The following CDH1 variants were observed in gnomAD, a reference collection of about 807,000 sequenced individuals.
CDH1 encodes cadherin 1.
CDH1 carries 35 observed loss-of-function variants against 84.5 expected under a neutral mutation model. The observed-to-expected ratio is 0.41, with a 90% CI of 0.32 to 0.55. The LOEUF is 0.55. Ranked by LOEUF, CDH1 falls within the 20% of genes least tolerant of loss-of-function variation. The pLI is 0.19. For synonymous variants in CDH1, 417 were observed against 439.0 expected (o/e 0.95, Z 0.63); for missense variants, 994 against 1,126.6 (o/e 0.88, Z 1.68).
In CDH1 at chr16:68,801,912, G is replaced by A. The variant is rs1306256416; in HGVS notation, c.387+19G>A. ...CCATCAGGTATGTTGGCATTTTTCT[G>A]AGAAGTTCGCTGTTGTTTTAGTGCG... On this transcript the variant is annotated intron_variant, in intron 3 of 15. Coordinates refer to ENST00000261769, the MANE Select transcript of CDH1 (RefSeq NM_004360.5). 2 of 1,597,178 alleles carry A rather than the reference G, an allele frequency of 1.3e-6. No homozygotes were observed. The highest frequency in any genetic ancestry group is 2.2e-5 in the South Asian group (2 of 90,728).
At chr16:68,787,261 G>T in intron 2 of CDH1, among the ~76,000 whole-genome samples, 1 of 152,188 alleles carries the variant, frequency 6.6e-6, no homozygotes, top group African/African-American at 2.4e-5. Flanking sequence ...TTTGGTGCTG[G>T]CTGGTTCTGG....
chr16:68,789,606 C>G (rs982047014), intron 2 of CDH1, among the ~76,000 whole-genome samples: 1 of 152,018 alleles, frequency 6.6e-6, no homozygotes, highest in Non-Finnish European at 1.5e-5. Context: ...AACAGTTTCC[C>G]TTATAGTCAC....
intron 2 of CDH1, among the ~76,000 whole-genome samples, chr16:68,791,480 T>G (rs1960207286): frequency 6.6e-6 from 1 of 152,176 alleles, no homozygotes; most frequent in Non-Finnish European, 1.5e-5. Context: ...TGGAGTGCAG[T>G]GGCACAGTTA....
chr16:68,811,502 G>A (rs1033642322), intron 6 of CDH1, among the ~76,000 whole-genome samples, 182 bp from the exon 7 acceptor site: 1 of 151,066 alleles, frequency 6.6e-6, no homozygotes, highest in African/African-American at 2.4e-5. Flanking sequence ...ATAATAAGTT[G>A]ATAGTTTGAG....
At chr16:68,778,475 T>A (rs1477066846) in intron 2 of CDH1, among the ~76,000 whole-genome samples, 1 of 152,170 alleles carries the variant, frequency 6.6e-6, no homozygotes, top group Non-Finnish European at 1.5e-5. Flanking sequence ...AGAGCTCCAG[T>A]CCTGAGCTTT....
At position 68,815,857 on chromosome 16, in the gene CDH1, T is replaced by C. The variant is rs1960975181; in HGVS notation, c.1565+98T>C. On this transcript the variant is annotated intron_variant, in intron 10 of 15. Transcript: ENST00000261769. ...TATGTACTTCATGGCATTTTGTCATTTGTCTGTACAAGACCATTCTCTTAA... is the reference window on the plus strand; with the variant it reads ...TATGTACTTCATGGCATTTTGTCATCTGTCTGTACAAGACCATTCTCTTAA... 6.4e-6 allele frequency: 9 copies of C among 1,402,864 alleles called. No homozygotes were observed. In the South Asian group the frequency reaches 8.3e-5, roughly 13 times the overall value. The allele number at this position is 1,402,864 out of a possible 1,614,324, so 86.9% of individuals were successfully genotyped here.
chr16:68,767,356 G>A (rs977318410), intron 2 of CDH1, among the ~76,000 whole-genome samples: 3 of 151,882 alleles, frequency 2.0e-5, no homozygotes, highest in African/African-American at 2.4e-5. Flanking sequence ...CACCATGCCC[G>A]GCTAATTTTT....
Position 68,815,656 on chromosome 16 carries a change from C to G in CDH1, c.1462C>G (p.Pro488Ala), listed in dbSNP as rs1555516144. Residue 488 changes from proline (P) to alanine (A), a missense_variant, in exon 10 of 16, where the codon CCT (proline) becomes GCT (alanine). Pro to Ala is a conservative substitution (Grantham distance 27). Coordinates refer to ENST00000261769, the MANE Select transcript of CDH1 (RefSeq NM_004360.5). Reference protein sequence around the residue: ...LDVNEAPIFVPPEKRVEVSED... With the variant: ...LDVNEAPIFVAPEKRVEVSED... Reference sequence around the variant, plus strand: ...TGTGAATGAAGCCCCCATCTTTGTGCCTCCTGAAAAGAGAGTGGAAGTGTC... The same window carrying G: ...TGTGAATGAAGCCCCCATCTTTGTGGCTCCTGAAAAGAGAGTGGAAGTGTC... The G allele has an allele frequency of 1.2e-6, 2 of 1,614,188 alleles. No individual in the cohort carries two copies. The highest frequency in any genetic ancestry group is 8.5e-7 in the Non-Finnish European group (1 of 1,180,044).
chr16:68,789,518 C>CTT (rs549644747), intron 2 of CDH1, among the ~76,000 whole-genome samples: 5 of 142,786 alleles, frequency 3.5e-5, no homozygotes, highest in Admixed American at 1.4e-4. Flanking sequence ...ATTGGCTCAT[C>CTT]TTTTTTTTTT....
chr16:68,790,062 C>T (rs1394332718), intron 2 of CDH1, among the ~76,000 whole-genome samples: 31 of 152,054 alleles, frequency 2.0e-4, no homozygotes, highest in Admixed American at 2.0e-3. Flanking sequence ...ATCTCAAAAA[C>T]AAAAACAAAA....
In CDH1 at chr16:68,739,805, G is replaced by A. The variant is rs912685968; in HGVS notation, c.163+1394G>A. On this transcript the variant is annotated intron_variant, in intron 2 of 15. Coordinates refer to ENST00000261769, the MANE Select transcript of CDH1 (RefSeq NM_004360.5). ...ATTTTTTGTAGTTTTAGCAGAGAAG[G>A]GGTTTCACCATGTTGGCCAGGCTGG... Among the ~76,000 whole-genome samples, 7 of 151,828 alleles carry A rather than the reference G, an allele frequency of 4.6e-5. No individual in the cohort carries two copies. The South Asian group carries it at 1.5e-3, about 32-fold the overall frequency.
chr16:68,783,325 AGG>A (rs1324619290), intron 2 of CDH1, among the ~76,000 whole-genome samples: 35 of 149,210 alleles, frequency 2.3e-4, no homozygotes, highest in Non-Finnish European at 2.8e-4. Context: ...TGAACCCAGG[AGG>A]TGAAGGTTGC....
intron 2 of CDH1, among the ~76,000 whole-genome samples, chr16:68,772,833 G>C (rs991710913): frequency 6.6e-6 from 1 of 151,998 alleles, no homozygotes; most frequent in Non-Finnish European, 1.5e-5. Context: ...AGGCTGAGGT[G>C]GGAGGATCGC....
chr16:68,792,354 C>T (rs1019231537), intron 2 of CDH1, among the ~76,000 whole-genome samples: 2 of 152,060 alleles, frequency 1.3e-5, no homozygotes, highest in South Asian at 2.1e-4. Context: ...CTCAGCCTCC[C>T]GAGTAGCTGG....
chr16:68,780,025 CT>C (rs1311304822), intron 2 of CDH1, among the ~76,000 whole-genome samples: 1 of 152,250 alleles, frequency 6.6e-6, no homozygotes, highest in Non-Finnish European at 1.5e-5. Flanking sequence ...CTACGTCTGA[CT>C]TTGTCACTGA....
chr16:68,756,502 A>G (rs1453874992), intron 2 of CDH1, among the ~76,000 whole-genome samples: 1 of 152,102 alleles, frequency 6.6e-6, no homozygotes, highest in Non-Finnish European at 1.5e-5. Flanking sequence ...GCTCTTACTC[A>G]TAAGTCCCAG....
rs1060501234 is a variant in CDH1, at chr16:68,801,678, G to A, written c.172G>A (p.Glu58Lys). ...TGATTTCTGCCCTGCAGTGAATTTT[G>A]AAGATTGCACCGGTCGACAAAGGAC... ...RGRVLGRVNF[E>K]DCTGRQRTAY... Residue 58 changes from glutamate (E) to lysine (K), a missense_variant, in exon 3 of 16, where the codon GAA becomes AAA. Around this residue, in one of 3 missense-constraint regions of CDH1, gnomAD observed 203 missense variants for 194.0 expected, o/e 1.05. Transcript: ENST00000261769. 2 of 1,613,584 alleles carry A rather than the reference G, an allele frequency of 1.2e-6. No homozygotes were observed. The highest frequency in any genetic ancestry group is 3.3e-5 in the Admixed American group (2 of 60,002).
chr16:68,752,268 G>A (rs185119518), intron 2 of CDH1, among the ~76,000 whole-genome samples: 14 of 152,168 alleles, frequency 9.2e-5, no homozygotes, highest in Non-Finnish European at 1.9e-4. Flanking sequence ...CCCTATTTAT[G>A]ATAGTAAACC....
intron 2 of CDH1, 130 bp from the exon 3 acceptor site, chr16:68,801,540 A>G (rs1223560733): frequency 1.3e-6 from 1 of 781,754 alleles, no homozygotes; most frequent in East Asian, 2.4e-5. Context: ...TTGTTCTGTC[A>G]CCAGATTATG....
Sources: gnomAD v4.1 joint callset for allele counts (sites outside exome capture counted in the v4.1 genomes callset) on GRCh38, gnomAD v4.1.1 for gene constraint, gnomAD v4.1.1 regional missense constraint, MANE v1.5 for transcripts, NCBI Gene and HGNC (gene_info 2026-07-23, HGNC 2026-07-21) for gene names.